The following MROH9 variants were observed in gnomAD, a reference collection of about 807,000 sequenced individuals.
MROH9 encodes maestro heat-like repeat-containing protein family member 9.
In MROH9, 92 loss-of-function variants were observed where a neutral mutation model predicts 98.2. The ratio of observed to expected loss-of-function variants is 0.94; its 90% CI spans 0.79 to 1.11. MROH9 has a LOEUF of 1.11. MROH9 is among the 50% of genes most tolerant of loss of function. MROH9 has a pLI of 0.00. For synonymous variants in MROH9, 397 were observed against 368.9 expected (o/e 1.08, Z -0.87); for missense variants, 1,057 against 1,014.8 (o/e 1.04, Z -0.57).
chr1:170,963,381 G>A (rs1390551120), intron 6 of MROH9, among the ~76,000 whole-genome samples: 1 of 152,138 alleles, frequency 6.6e-6, no homozygotes, highest in East Asian at 1.9e-4. Context: ...ACTGTTGGTG[G>A]GAGTGTAAAT....
At chr1:170,951,763 T>C (rs1649561138) in intron 3 of MROH9, among the ~76,000 whole-genome samples, 1 of 152,058 alleles carries the variant, frequency 6.6e-6, no homozygotes, top group African/African-American at 2.4e-5. Context: ...AGCTGCTAAG[T>C]CCTATAAAGA....
rs573988609 is a variant in MROH9, at chr1:170,977,318, A to G, written c.616+5435A>G. 2.6e-5 allele frequency among the ~76,000 whole-genome samples: 4 copies of G among 152,272 alleles called. No homozygotes were observed. In the East Asian group the frequency reaches 7.7e-4, roughly 29 times the overall value. On this transcript the variant is annotated intron_variant, in intron 8 of 21. Transcript: ENST00000367759. ...CTGGAGGACACAAGACACTCTAGCTATTTGAGTTACTCATTCTTTCTCAGT... is the reference window on the plus strand; with the variant it reads ...CTGGAGGACACAAGACACTCTAGCTGTTTGAGTTACTCATTCTTTCTCAGT...
intron 8 of MROH9, among the ~76,000 whole-genome samples, chr1:170,972,801 G>A (rs1571464004): frequency 2.4e-5 from 3 of 126,026 alleles, no homozygotes; most frequent in East Asian, 2.3e-4. Flanking sequence ...GACAGAGCAA[G>A]ACTCCGCCTC....
chr1:170,975,499 C>T (rs577353772), intron 8 of MROH9, among the ~76,000 whole-genome samples: 2 of 152,066 alleles, frequency 1.3e-5, no homozygotes, highest in Non-Finnish European at 2.9e-5. Flanking sequence ...TAAGCATCAC[C>T]TAAATAGTGT....
chr1:170,962,941 C>A (rs1224056866), intron 6 of MROH9, among the ~76,000 whole-genome samples: 2 of 151,848 alleles, frequency 1.3e-5, no homozygotes, highest in Admixed American at 6.6e-5. Flanking sequence ...GAAAAAGACA[C>A]CAAAAGCAGT....
chr1:170,970,389 G>GAAA (rs376405516), intron 7 of MROH9, among the ~76,000 whole-genome samples: 1 of 144,990 alleles, frequency 6.9e-6, no homozygotes, highest in Non-Finnish European at 1.5e-5. Context: ...CATCGAGTGG[G>GAAA]AAAAAAAAAA....
chr1:170,940,931 G>T (rs761977417), intron 1 of MROH9, among the ~76,000 whole-genome samples: 24 of 152,102 alleles, frequency 1.6e-4, no homozygotes, highest in Admixed American at 7.2e-4. Context: ...ACCAGTATGC[G>T]GATTCCACTA....
chr1:170,988,425 A>G (rs921381598), intron 10 of MROH9, among the ~76,000 whole-genome samples: 1 of 152,216 alleles, frequency 6.6e-6, no homozygotes, highest in Non-Finnish European at 1.5e-5. Context: ...CTTACAAAAT[A>G]GAGTTCTCTT....
intron 20 of MROH9, among the ~76,000 whole-genome samples, chr1:171,028,854 G>A (rs552970316): frequency 5.9e-5 from 9 of 152,242 alleles, no homozygotes; most frequent in Middle Eastern, 3.4e-3. Context: ...ATGAATGCTC[G>A]TAATTTTTGC....
chr1:171,051,817 T>C (rs1653674074), intron 20 of MROH9, among the ~76,000 whole-genome samples: 1 of 152,190 alleles, frequency 6.6e-6, no homozygotes, highest in Admixed American at 6.5e-5. Context: ...TCATTTTCTT[T>C]CTGTTTTGTA....
intron 3 of MROH9, among the ~76,000 whole-genome samples, chr1:170,948,872 G>C (rs1649438001): frequency 6.6e-6 from 1 of 152,168 alleles, no homozygotes; most frequent in South Asian, 2.1e-4. Flanking sequence ...GAAAGAAAAA[G>C]CAACATACGT....
At chr1:171,019,617 C>T (rs1204598739) in intron 17 of MROH9, among the ~76,000 whole-genome samples, 1 of 151,770 alleles carries the variant, frequency 6.6e-6, no homozygotes, top group Non-Finnish European at 1.5e-5. Flanking sequence ...CACCACTGCA[C>T]TCCAGTCTGG....
chr1:171,000,012 C>T (rs1013424532), intron 15 of MROH9, among the ~76,000 whole-genome samples: 3 of 151,948 alleles, frequency 2.0e-5, no homozygotes, highest in African/African-American at 7.3e-5. Context: ...TGTCCTTAGC[C>T]CACTTTTTGA....
At chr1:171,034,523 A>G (rs1308452089) in intron 20 of MROH9, among the ~76,000 whole-genome samples, 1 of 152,172 alleles carries the variant, frequency 6.6e-6, no homozygotes, top group African/African-American at 2.4e-5. Flanking sequence ...ACAACACTTA[A>G]TGTCCATTAA....
In MROH9 at chr1:170,996,557, A is replaced by G. The variant is rs374913583; in HGVS notation, c.1388A>G (p.Gln463Arg). ...CTGCTGAATTGTTCTGGACTGCAACAGGTGGATATTACTCTAATGAAGGAG... is the reference window on the plus strand; with the variant it reads ...CTGCTGAATTGTTCTGGACTGCAACGGGTGGATATTACTCTAATGAAGGAG... Reference protein sequence around the residue: ...RVLLNCSGLQQVDITLMKENF... With the variant: ...RVLLNCSGLQRVDITLMKENF... The change falls in exon 14 of 22, where the codon CAG becomes CGG. Residue 463 changes from glutamine to arginine, a missense_variant. Transcript: ENST00000367759. 2 of 1,613,542 alleles carry G rather than the reference A, an allele frequency of 1.2e-6. No homozygotes were observed. The highest frequency in any genetic ancestry group is 1.7e-6 in the Non-Finnish European group (2 of 1,179,706).
Position 171,024,772 on chromosome 1 carries a change from G to T in MROH9, c.2178+7G>T. Reference sequence around the variant, plus strand: ...CAATATCTGTAACAATCTTGTAAGTGGCCCTTCCATTTTTACTACTATAAG... The same window carrying T: ...CAATATCTGTAACAATCTTGTAAGTTGCCCTTCCATTTTTACTACTATAAG... On this transcript the variant is annotated splice_region_variant and intron_variant, in intron 19 of 21. Coordinates refer to ENST00000367759, the MANE Select transcript of MROH9 (RefSeq NM_001163629.2). 5 of 1,494,274 alleles carry T rather than the reference G, an allele frequency of 3.3e-6. No homozygotes were observed. In the South Asian group the frequency reaches 4.8e-5, roughly 14 times the overall value. 92.6% of individuals were successfully genotyped at this position (1,494,274 alleles called of 1,614,324 possible). A position where few individuals can be genotyped will look rare whatever the true frequency, so the allele number is the denominator to read the frequency against.
intron 20 of MROH9, among the ~76,000 whole-genome samples, chr1:171,046,864 A>C (rs1009650954): frequency 6.6e-6 from 1 of 152,166 alleles, no homozygotes; most frequent in African/African-American, 2.4e-5. Context: ...TATTGATGAA[A>C]TCCCTCAGCT....
intron 1 of MROH9, 67 bp from the exon 2 acceptor site, chr1:170,945,453 T>G: frequency 9.3e-7 from 1 of 1,076,166 alleles, no homozygotes; most frequent in Non-Finnish European, 1.4e-6. Context: ...CCATCCATAT[T>G]GATAGAGCAA....
chr1:170,977,660 T>A (rs968450045), intron 8 of MROH9, among the ~76,000 whole-genome samples: 1 of 152,186 alleles, frequency 6.6e-6, no homozygotes, highest in Non-Finnish European at 1.5e-5. Context: ...CCTTTCCCAC[T>A]TAAGTGTTGG....
Sources: allele counts gnomAD v4.1 joint callset (sites outside exome capture counted in the v4.1 genomes callset), GRCh38; gene constraint gnomAD v4.1.1; transcripts MANE v1.5; gene names NCBI Gene and HGNC (gene_info 2026-07-23, HGNC 2026-07-21).